TUSC3: variants seen among roughly 807,000 people sequenced by gnomAD.
TUSC3 encodes tumor suppressor candidate 3.
Under a neutral mutation model 44.8 loss-of-function variants are expected in TUSC3, and 45 were observed. The observed-to-expected ratio is 1.00, with a 90% CI of 0.79 to 1.29. The LOEUF is 1.29. Ranked by LOEUF, TUSC3 falls within the 50% of genes most tolerant of loss-of-function variation. The probability of loss-of-function intolerance (pLI) is 0.00; values close to 1 mark genes in which losing one functional copy is unlikely to be tolerated. For synonymous variants in TUSC3, 212 were observed against 152.9 expected (o/e 1.39, Z -2.85); for missense variants, 519 against 437.9 (o/e 1.19, Z -1.65).
At chr8:15,840,352 T>A in the TUSC3 span, among the ~76,000 whole-genome samples, 14 of 152,220 alleles carry the variant, frequency 9.2e-5, no homozygotes, top group East Asian at 2.7e-3. Context: ...GTTGTACACA[T>A]GTACCCTAGA....
chr8:15,601,281 C>T (rs534846689), intron 1 of TUSC3, among the ~76,000 whole-genome samples: 1 of 151,484 alleles, frequency 6.6e-6, no homozygotes, highest in Non-Finnish European at 1.5e-5. Flanking sequence ...GCATTGTTTC[C>T]CCCCCGTTGC....
rs1338657586 is a variant in TUSC3 at position 15,683,496 on chromosome 8, A to G, written c.798+9660A>G. Among the ~76,000 whole-genome samples the G allele has an allele frequency of 1.3e-4, 20 of 151,950 alleles. 1 individual carries two copies. Reference sequence around the variant, plus strand: ...GTGGATTTCTCAATTCCAGAAGTTTAGTTTGTTTCTTTCTTACTATATCTT... The same window carrying G: ...GTGGATTTCTCAATTCCAGAAGTTTGGTTTGTTTCTTTCTTACTATATCTT... On this transcript the variant is annotated intron_variant, in intron 6 of 10. Coordinates refer to ENST00000503731, the MANE Select transcript of TUSC3 (RefSeq NM_006765.4).
chr8:15,586,723 G>C (rs1436977832), intron 1 of TUSC3, among the ~76,000 whole-genome samples: 1 of 152,178 alleles, frequency 6.6e-6, no homozygotes, highest in African/African-American at 2.4e-5. Flanking sequence ...ACTCATAGCT[G>C]AGCATACCTA....
At chr8:15,803,766 T>C in the TUSC3 span, among the ~76,000 whole-genome samples, 1 of 152,168 alleles carries the variant, frequency 6.6e-6, no homozygotes, top group Non-Finnish European at 1.5e-5. Flanking sequence ...GTCTGTGTTG[T>C]TCAACTCCTG....
intron 1 of TUSC3, among the ~76,000 whole-genome samples, chr8:15,463,389 A>C (rs1800372964): frequency 6.6e-6 from 1 of 152,092 alleles, no homozygotes. Context: ...CTCAACATAA[A>C]CATGGGAAAA....
intron 6 of TUSC3, among the ~76,000 whole-genome samples, chr8:15,682,926 A>T (rs929364463): frequency 6.6e-6 from 1 of 151,812 alleles, no homozygotes; most frequent in Non-Finnish European, 1.5e-5. Flanking sequence ...TTGGCATGAG[A>T]TGCAATTCTT....
chr8:15,463,591 T>C (rs1439056268), intron 1 of TUSC3, among the ~76,000 whole-genome samples: 1 of 152,192 alleles, frequency 6.6e-6, no homozygotes, highest in East Asian at 1.9e-4. Context: ...CTCTTCATAT[T>C]GTTTAATGGG....
chr8:15,656,047 G>A (rs1807148710), intron 3 of TUSC3, among the ~76,000 whole-genome samples: 1 of 152,098 alleles, frequency 6.6e-6, no homozygotes, highest in Admixed American at 6.5e-5. Flanking sequence ...ACCTGAGACT[G>A]GCTAATTTAT....
Position 15,739,935 on chromosome 8 carries a change from G to T in TUSC3, c.863-3603G>T, listed in dbSNP as rs1811117673. ...CAGTTTCCTTGTTTGTAAACAGATG[G>T]TAATGTCTACATCAGAGAGTTATTG... On this transcript the variant is annotated intron_variant, in intron 7 of 10. Transcript: ENST00000503731. 3.3e-5 allele frequency among the ~76,000 whole-genome samples: 5 copies of T among 152,106 alleles called. No individual in the cohort carries two copies. The South Asian group carries it at 1.0e-3, about 32-fold the overall frequency.
Position 15,705,628 on chromosome 8 carries a change from A to G in TUSC3, c.799-25038A>G, listed in dbSNP as rs138145901. Among the ~76,000 whole-genome samples, 4 of 152,148 alleles carry G rather than the reference A, an allele frequency of 2.6e-5. No individual in the cohort carries two copies. In the East Asian group the frequency reaches 7.8e-4, roughly 29 times the overall value. On this transcript the variant is annotated intron_variant, in intron 6 of 10. Transcript: ENST00000503731. ...AAGTTTCTCAGAAGGCTGAATTCCA[A>G]CATCCTTGAGCATGGCCCTATGTGA...
the TUSC3 span, among the ~76,000 whole-genome samples, chr8:15,810,096 A>C: frequency 1.3e-5 from 2 of 152,222 alleles, no homozygotes; most frequent in South Asian, 4.1e-4. Flanking sequence ...AATGGTTCTC[A>C]TAGTGTGTCC....
At chr8:15,735,892 G>T (rs2721218) in intron 7 of TUSC3, among the ~76,000 whole-genome samples, 129,220 of 148,398 alleles carry the variant, frequency 0.87, 56,453 homozygotes, top group African/African-American at 0.88. Flanking sequence ...TGTTTTTTTG[G>T]TTTTTTTTTG....
At chr8:15,744,406 T>G (rs901600506) in intron 8 of TUSC3, among the ~76,000 whole-genome samples, 1 of 152,186 alleles carries the variant, frequency 6.6e-6, no homozygotes. Context: ...CCTATATGAT[T>G]TGATATGTCC....
At chr8:15,625,184 G>A (rs1223664122) in intron 2 of TUSC3, among the ~76,000 whole-genome samples, 2 of 152,068 alleles carry the variant, frequency 1.3e-5, no homozygotes, top group Admixed American at 6.5e-5. Context: ...TTGCATACAG[G>A]AATGGATACT....
chr8:15,522,588 C>G (rs1021776334), intron 2 of TUSC3, among the ~76,000 whole-genome samples: 1 of 151,276 alleles, frequency 6.6e-6, no homozygotes, highest in African/African-American at 2.4e-5. Context: ...TCCACTCCCA[C>G]ATGTGTTCCA....
At chr8:15,527,032 G>C (rs921347795) in intron 2 of TUSC3, among the ~76,000 whole-genome samples, 2 of 152,180 alleles carry the variant, frequency 1.3e-5, no homozygotes, top group African/African-American at 4.8e-5. Flanking sequence ...AAATAGAAAA[G>C]TTTGAATAAT....
At chr8:15,721,567 A>T (rs563636624) in intron 6 of TUSC3, among the ~76,000 whole-genome samples, 1 of 152,090 alleles carries the variant, frequency 6.6e-6, no homozygotes, top group East Asian at 1.9e-4. Context: ...TCACATTAAA[A>T]GCTATTCAGT....
chr8:15,465,445 T>G (rs993555389), intron 1 of TUSC3, among the ~76,000 whole-genome samples: 3 of 152,146 alleles, frequency 2.0e-5, no homozygotes, highest in Non-Finnish European at 4.4e-5. Context: ...CATGAAGAAA[T>G]TTTCACTTAA....
At position 15,725,799 on chromosome 8, in the gene TUSC3, T is replaced by A. The variant is rs186445920; in HGVS notation, c.799-4867T>A. The stretch of plus-strand genomic sequence containing the variant: ...ATGAAACCCAGGACAGAGAATTGAC[T>A]TCAGGGAATATGACTAAAATCGATT... On this transcript the variant is annotated intron_variant, in intron 6 of 10. Coordinates refer to ENST00000503731, the MANE Select transcript of TUSC3 (RefSeq NM_006765.4). 9.2e-5 allele frequency among the ~76,000 whole-genome samples: 14 copies of A among 152,310 alleles called. No individual in the cohort carries two copies. In the East Asian group the frequency reaches 2.7e-3, roughly 29 times the overall value.
Sources: allele counts gnomAD v4.1 joint callset (sites outside exome capture counted in the v4.1 genomes callset), GRCh38; gene constraint gnomAD v4.1.1; transcripts MANE v1.5; gene names NCBI Gene and HGNC (gene_info 2026-07-23, HGNC 2026-07-21).